HOMER2: variants seen among roughly 807,000 people sequenced by gnomAD.
The protein encoded by HOMER2 is homer scaffold protein 2, also known as homer protein homolog 2.
A neutral mutation model predicts 47.0 loss-of-function variants in HOMER2; 27 were observed. The ratio of observed to expected loss-of-function variants is 0.57; its 90% CI spans 0.42 to 0.79. HOMER2 has a LOEUF of 0.79. Ranked by LOEUF, HOMER2 falls within the 30% of genes least tolerant of loss-of-function variation. The probability of loss-of-function intolerance (pLI) is 0.00; values close to 1 mark genes in which losing one functional copy is unlikely to be tolerated. For missense variants in HOMER2, 443 were observed against 435.0 expected (o/e 1.02, Z -0.16); for synonymous variants, 161 against 163.8 (o/e 0.98, Z 0.13).
chr15:82,938,625 T>C (rs546086672), intron 1 of HOMER2, among the ~76,000 whole-genome samples: 1 of 152,324 alleles, frequency 6.6e-6, no homozygotes, highest in South Asian at 2.1e-4. Flanking sequence ...ATGGTCCTTC[T>C]ACCCTGACTC....
At chr15:82,950,041 G>A (rs764330592) in intron 1 of HOMER2, among the ~76,000 whole-genome samples, 61 of 152,142 alleles carry the variant, frequency 4.0e-4, no homozygotes, top group Admixed American at 1.9e-3. Flanking sequence ...GAAGAGATGA[G>A]GGACAGGTCA....
At chr15:82,863,799 C>T (rs1318452763) in intron 4 of HOMER2, among the ~76,000 whole-genome samples, 1 of 152,192 alleles carries the variant, frequency 6.6e-6, no homozygotes, top group African/African-American at 2.4e-5. Context: ...AACACAAGGG[C>T]TGTCTGACAT....
At position 82,849,902 on chromosome 15, in the gene HOMER2, G is replaced by A. The variant is rs751707808; in HGVS notation, c.845C>T (p.Ala282Val). The A allele has an allele frequency of 6.8e-6, 11 of 1,612,936 alleles. No individual in the cohort carries two copies. The highest frequency in any genetic ancestry group is 2.7e-5 in the African/African-American group (2 of 74,864). ...CAGGTTTTGATTGTCTCTCTCTGCC[G>A]CCTGGCCAAGCAAAAGGGAGAAGGG... ...ECEYVSEKLE[A>V]AERDNQNLED... The change falls in exon 9 of 9, where the codon GCG becomes GTG. Residue 282 changes from alanine (A) to valine (V), a missense_variant and splice_region_variant. Transcript: ENST00000450735.
At chr15:82,852,670 A>G (rs1473498515) in intron 6 of HOMER2, 1 of 159,454 alleles carries the variant, frequency 6.3e-6, no homozygotes, top group African/African-American at 2.4e-5. Context: ...CACGTCCTGC[A>G]TTATTCTGTT....
At chr15:82,855,342 A>AG (rs1258782423) in intron 5 of HOMER2, among the ~76,000 whole-genome samples, 6 of 150,668 alleles carry the variant, frequency 4.0e-5, no homozygotes, top group African/African-American at 1.5e-4. Flanking sequence ...AAAAAAAAAA[A>AG]AAAAAAAGAA....
chr15:82,859,976 G>A (rs553342672), intron 4 of HOMER2, among the ~76,000 whole-genome samples: 80 of 152,250 alleles, frequency 5.3e-4, no homozygotes, highest in East Asian at 1.2e-3. Flanking sequence ...GGCCGGGCGC[G>A]GTGGCTCACA....
At chr15:82,845,923 TTTA>T (rs2051240099), downstream of HOMER2, 1 of 152,266 alleles carries the variant, frequency 6.6e-6, no homozygotes, top group Admixed American at 6.5e-5. Context: ...CGCTCCACCC[TTTA>T]CTTGATGTTT....
chr15:82,947,890 G>T (rs982166810), intron 1 of HOMER2, among the ~76,000 whole-genome samples: 1 of 152,192 alleles, frequency 6.6e-6, no homozygotes, highest in Non-Finnish European at 1.5e-5. Flanking sequence ...ATCCTTTTGG[G>T]ATGCTACTGG....
chr15:82,849,526 C>T lies in HOMER2; in HGVS notation c.*189G>A, dbSNP rs906431295. On this transcript the variant is annotated 3_prime_UTR_variant, in exon 9 of 9. Coordinates refer to ENST00000450735, the MANE Select transcript of HOMER2 (RefSeq NM_004839.4). The stretch of plus-strand genomic sequence containing the variant: ...AGAATCTTCCAGTTGTCCACAACCT[C>T]ACAAGGCCAGAGAAGCGAGAGGAGA... 1 of 589,818 alleles carries T rather than the reference C, an allele frequency of 1.7e-6. No homozygotes were observed. The highest frequency in any genetic ancestry group is 1.9e-5 in the African/African-American group (1 of 53,740). 36.5% of individuals were successfully genotyped at this position (589,818 alleles called of 1,614,324 possible).
intron 3 of HOMER2, among the ~76,000 whole-genome samples, chr15:82,874,859 G>A (rs1437068114): frequency 6.6e-6 from 1 of 152,174 alleles, no homozygotes; most frequent in Non-Finnish European, 1.5e-5. Flanking sequence ...AAGTTCTATA[G>A]TAACAACCCT....
At chr15:82,979,106 G>T (rs2030306277) in intron 1 of HOMER2, among the ~76,000 whole-genome samples, 1 of 152,200 alleles carries the variant, frequency 6.6e-6, no homozygotes, top group African/African-American at 2.4e-5. Context: ...GGACGTGTTT[G>T]CTTCCCTTTC....
chr15:82,882,881 C>CTTTTTTTTTTTTT (rs757073475), intron 2 of HOMER2, among the ~76,000 whole-genome samples: 2 of 27,038 alleles, frequency 7.4e-5, no homozygotes, highest in Non-Finnish European at 1.3e-4. Flanking sequence ...CCAGCCACTG[C>CTTTTTTTTTTTTT]TTTTTTTTTT....
At chr15:82,906,181 T>A (rs1016469949) in intron 1 of HOMER2, among the ~76,000 whole-genome samples, 1 of 151,740 alleles carries the variant, frequency 6.6e-6, no homozygotes, top group Admixed American at 6.6e-5. Context: ...AAAAAAGAAG[T>A]ATAATTGATA....
At chr15:82,903,619 A>AACACAC (rs562702267) in intron 1 of HOMER2, among the ~76,000 whole-genome samples, 7 of 150,836 alleles carry the variant, frequency 4.6e-5, no homozygotes, top group African/African-American at 1.5e-4. Flanking sequence ...AACTCCTCTA[A>AACACAC]ACACACACAC....
chr15:82,864,446 T>C (rs796345207), intron 3 of HOMER2, among the ~76,000 whole-genome samples, 187 bp from the exon 4 acceptor site: 4 of 152,200 alleles, frequency 2.6e-5, no homozygotes, highest in African/African-American at 9.7e-5. Context: ...GCAAGGTCAG[T>C]TCTGAACCCA....
intron 3 of HOMER2, among the ~76,000 whole-genome samples, chr15:82,868,543 T>TATATATATATATATATATA (rs1567023464): frequency 1.2e-3 from 45 of 36,792 alleles, no homozygotes; most frequent in East Asian, 3.2e-3. Context: ...ATATATATAT[T>TATATATATATATATATATA]TTTTTTTTTT....
At chr15:82,966,704 G>C (rs1024282379) in intron 1 of HOMER2, among the ~76,000 whole-genome samples, 4 of 152,210 alleles carry the variant, frequency 2.6e-5, no homozygotes, top group African/African-American at 9.6e-5. Flanking sequence ...GATTTCAGTG[G>C]TCTCACTGGC....
exon 2 of HOMER2, chr15:82,838,867 C>T (rs2051150765): frequency 6.6e-6 from 1 of 152,196 alleles, no homozygotes; most frequent in African/African-American, 2.4e-5. Flanking sequence ...GAGCTGAGGG[C>T]TGGGATTCAC....
intron 2 of HOMER2, among the ~76,000 whole-genome samples, chr15:82,892,419 A>C (rs1192806185): frequency 6.6e-6 from 1 of 152,222 alleles, no homozygotes; most frequent in Non-Finnish European, 1.5e-5. Context: ...GAAGCCACTT[A>C]AATATCCAAC....
Sources: gnomAD v4.1 joint callset for allele counts (sites outside exome capture counted in the v4.1 genomes callset) on GRCh38, gnomAD v4.1.1 for gene constraint, MANE v1.5 for transcripts, NCBI Gene and HGNC (gene_info 2026-07-23, HGNC 2026-07-21) for gene names.